PKD1L3: variants seen among roughly 807,000 people sequenced by gnomAD.
PKD1L3 encodes the protein polycystin-1-like protein 3.
PKD1L3 carries 239 observed loss-of-function variants against 184.1 expected under a neutral mutation model. The ratio of observed to expected loss-of-function variants is 1.30; its 90% CI spans 1.17 to 1.45. The LOEUF (loss-of-function observed/expected upper bound fraction) is 1.45. Ranked by LOEUF, PKD1L3 falls within the 40% of genes most tolerant of loss-of-function variation. The pLI is 0.00. For missense variants in PKD1L3, 2,660 were observed against 2,067.2 expected, an observed-to-expected ratio of 1.29 and a Z score of -5.56; for synonymous variants, 996 against 778.8, an observed-to-expected ratio of 1.28 and a Z score of -4.64.
At position 71,977,303 on chromosome 16, in the gene PKD1L3, C is replaced by G. The variant is rs1381739883; in HGVS notation, c.1692G>C (p.Gln564His). 1 of 1,544,156 alleles carries G rather than the reference C, an allele frequency of 6.5e-7. No homozygotes were observed. Among genetic ancestry groups the G allele is most frequent in the African/African-American group, 1.4e-5 (1 of 72,858 alleles). Residue 564 changes from glutamine to histidine, a missense_variant, in exon 11 of 30, where the codon CAG (glutamine) becomes CAC (histidine). Transcript: ENST00000620267. ...GGAAGTGAGTGCAGTTAGGCTGATA[C>G]TGGAACCCCAGGTAGAGTGTCATTA... ...PLLMTLYLGF[Q>H]YQPNCTHFHL...
intron 16 of PKD1L3, among the ~76,000 whole-genome samples, chr16:71,961,649 G>A (rs551058175): frequency 3.3e-5 from 5 of 151,996 alleles, no homozygotes; most frequent in Admixed American, 3.3e-4. Context: ...AATCATTTTT[G>A]GAAATCTAAC....
intron 11 of PKD1L3, among the ~76,000 whole-genome samples, chr16:71,975,323 G>C (rs1163050522): frequency 2.0e-5 from 3 of 151,172 alleles, no homozygotes; most frequent in Non-Finnish European, 4.4e-5. Context: ...CTCTCAAAGT[G>C]CTGGCGTTAC....
chr16:71,982,707 C>T (rs1281378110), intron 6 of PKD1L3, among the ~76,000 whole-genome samples: 1 of 152,124 alleles, frequency 6.6e-6, no homozygotes, highest in Non-Finnish European at 1.5e-5. Flanking sequence ...AGCAATCCTC[C>T]TTCCTCAGCC....
rs2143800671 is a variant in PKD1L3 at position 71,986,389 on chromosome 16, A to G, written c.666T>C (p.Ser222=). The stretch of plus-strand genomic sequence containing the variant: ...CAGGGAGAGGCTGGCTGCTGGGTTC[A>G]GATGCGGCTGATGTTACCTGTGATG... ...SITSQVTSAA[S]EPSSQPLPVI... is the part of the protein sequence containing the mutation. The change falls in exon 5 of 30, where the codon TCT becomes TCC. Residue 222 remains serine (S), a synonymous_variant. Coordinates refer to ENST00000620267, the MANE Select transcript of PKD1L3 (RefSeq NM_181536.2). The G allele has an allele frequency of 1.9e-6, 3 of 1,551,780 alleles. No individual in the cohort carries two copies. Among genetic ancestry groups the G allele is most frequent in the South Asian group, 2.4e-5 (2 of 84,058 alleles).
At chr16:71,969,683 A>C (rs938907366) in intron 13 of PKD1L3, among the ~76,000 whole-genome samples, 192 bp downstream of exon 13, 1 of 148,594 alleles carries the variant, frequency 6.7e-6, no homozygotes, top group Non-Finnish European at 1.5e-5. Flanking sequence ...CAAAGGAAAA[A>C]AAAATAGAGA....
At chr16:71,930,456 C>G in intron 28 of PKD1L3, 1 of 279,500 alleles carries the variant, frequency 3.6e-6, no homozygotes, top group Non-Finnish European at 6.6e-6. Context: ...ATTCAAATGT[C>G]ACATGAGTTT....
chr16:71,939,540 C>T (rs2038290769), intron 24 of PKD1L3, among the ~76,000 whole-genome samples: 1 of 152,206 alleles, frequency 6.6e-6, no homozygotes, highest in African/African-American at 2.4e-5. Flanking sequence ...ACCTAGCTAG[C>T]TCTCAAGACT....
At chr16:71,967,840 C>T (rs1383404587) in intron 14 of PKD1L3, 66 bp downstream of exon 14, 2 of 1,349,498 alleles carry the variant, frequency 1.5e-6, no homozygotes, top group Non-Finnish European at 2.1e-6. Context: ...AGGATATCAC[C>T]AACTCAGAGT....
chr16:71,936,051 C>T (rs562856667), intron 25 of PKD1L3, among the ~76,000 whole-genome samples: 1 of 152,148 alleles, frequency 6.6e-6, no homozygotes, highest in South Asian at 2.1e-4. Context: ...CTACCTCAGC[C>T]TCCCAAGGTG....
At chr16:71,995,852 A>T (rs971132312) in intron 2 of PKD1L3, among the ~76,000 whole-genome samples, 3 of 152,194 alleles carry the variant, frequency 2.0e-5, no homozygotes, top group Admixed American at 2.0e-4. Flanking sequence ...ATCTTACTGC[A>T]TTCTCACTAG....
At chr16:71,964,032 C>A (rs561794381) in intron 15 of PKD1L3, among the ~76,000 whole-genome samples, 6 of 152,252 alleles carry the variant, frequency 3.9e-5, no homozygotes, top group African/African-American at 1.2e-4. Context: ...AATGACTTCT[C>A]ACTCTACTTA....
At position 71,967,222 on chromosome 16, in the gene PKD1L3, C is replaced by T. The variant is rs571147340; in HGVS notation, c.2380G>A (p.Val794Ile). The T allele has an allele frequency of 1.8e-4, 283 of 1,551,712 alleles. 2 individuals are homozygous for T. The South Asian group carries it at 3.2e-3, about 18-fold the overall frequency. ...KTVFERGGLD[V>I]FLLTTWTSLG... ...GAGGTCCAAGTGGTGAGAAGGAAGA[C>T]ATCCAGGCCCCCTCGTTCAAAGACT... Residue 794 changes from valine (V) to isoleucine (I), a missense_variant, in exon 15 of 30, where the codon GTC becomes ATC. Physicochemically the swap from Val to Ile is conservative, Grantham distance 29 (BLOSUM62 3). Transcript: ENST00000620267.
chr16:71,984,618 G>A (rs1169973901), intron 5 of PKD1L3, among the ~76,000 whole-genome samples: 1 of 152,218 alleles, frequency 6.6e-6, no homozygotes, highest in Non-Finnish European at 1.5e-5. Context: ...CCAGCACTTG[G>A]GAGGCTAAGG....
intron 2 of PKD1L3, among the ~76,000 whole-genome samples, chr16:71,997,187 G>T (rs1178983435): frequency 6.6e-6 from 1 of 152,132 alleles, no homozygotes; most frequent in African/African-American, 2.4e-5. Flanking sequence ...TATGAATAAA[G>T]CTGCTATAAG....
chr16:71,999,954 G>A lies in PKD1L3; in HGVS notation c.25C>T (p.Leu9Phe). The A allele has an allele frequency of 1.0e-5, 16 of 1,528,798 alleles. No individual in the cohort carries two copies. Among genetic ancestry groups the A allele is most frequent in the Non-Finnish European group, 1.4e-5 (16 of 1,130,698 alleles). The allele number at this position is 1,528,798 out of a possible 1,614,324, so 94.7% of individuals were successfully genotyped here. A position where few individuals can be genotyped will look rare whatever the true frequency, so the allele number is the denominator to read the frequency against. The change falls in exon 1 of 30, where the codon CTT (leucine) becomes TTT (phenylalanine). Residue 9 changes from leucine (L) to phenylalanine (F), a missense_variant. Coordinates refer to ENST00000620267, the MANE Select transcript of PKD1L3 (RefSeq NM_181536.2). MFFKGGSW[L>F]WLYIRTSIIL... ...ATACTTGTTCTGATGTATAACCAAA[G>A]CCAGCTTCCTCCTTTGAAGAACATT...
Position 71,954,209 on chromosome 16 carries a change from C to T in PKD1L3, c.2705G>A (p.Arg902Lys). The change falls in exon 17 of 30, where the codon AGG becomes AAG. Residue 902 changes from arginine to lysine, a missense_variant. Physicochemically the swap from Arg to Lys is conservative, Grantham distance 26 (BLOSUM62 2). Coordinates refer to ENST00000620267, the MANE Select transcript of PKD1L3 (RefSeq NM_181536.2). Reference sequence around the variant, plus strand: ...CATGCAGCAAGACAGCCGTTGGACCCTTGTAAACTGGTTCCAGGGATGCCG... The same window carrying T: ...CATGCAGCAAGACAGCCGTTGGACCTTTGTAAACTGGTTCCAGGGATGCCG... ...ATRHPWNQFTRVQRLSCCMTL... is the reference protein window; with the variant it reads ...ATRHPWNQFTKVQRLSCCMTL... 1.3e-6 allele frequency: 2 copies of T among 1,551,568 alleles called. No homozygotes were observed. Among genetic ancestry groups the T allele is most frequent in the Non-Finnish European group, 1.7e-6 (2 of 1,146,832 alleles).
intron 5 of PKD1L3, among the ~76,000 whole-genome samples, 160 bp downstream of exon 5, chr16:71,986,061 T>C (rs186807751): frequency 6.6e-6 from 1 of 152,312 alleles, no homozygotes; most frequent in East Asian, 1.9e-4. Context: ...TGCTGTCAAA[T>C]TGGCTGTTTC....
At chr16:71,953,507 A>G (rs1479540168) in intron 17 of PKD1L3, among the ~76,000 whole-genome samples, 1 of 152,164 alleles carries the variant, frequency 6.6e-6, no homozygotes, top group East Asian at 1.9e-4. Flanking sequence ...AAGCACTACA[A>G]AGCACCTTAC....
intron 12 of PKD1L3, among the ~76,000 whole-genome samples, chr16:71,971,924 T>C (rs565336755): frequency 6.6e-6 from 1 of 152,018 alleles, no homozygotes; most frequent in Admixed American, 6.6e-5. Flanking sequence ...CTACTAAAAA[T>C]ACAGTAATTA....
Sources: allele counts gnomAD v4.1 joint callset (sites outside exome capture counted in the v4.1 genomes callset), GRCh38; gene constraint gnomAD v4.1.1; transcripts MANE v1.5; gene names NCBI Gene and HGNC (gene_info 2026-07-23, HGNC 2026-07-21).